Variants in RIMS1 observed in about 807,000 individuals in gnomAD.
RIMS1 encodes the protein regulating synaptic membrane exocytosis 1.
Under a neutral mutation model 214.1 loss-of-function variants are expected in RIMS1, and 83 were observed. The ratio of observed to expected loss-of-function variants is 0.39; its 90% CI spans 0.32 to 0.47. The LOEUF (loss-of-function observed/expected upper bound fraction) is 0.47. Ranked by LOEUF, RIMS1 falls within the 20% of genes least tolerant of loss-of-function variation. The probability of loss-of-function intolerance (pLI) is 0.99; values close to 1 mark genes in which losing one functional copy is unlikely to be tolerated. For synonymous variants in RIMS1, 793 were observed against 786.8 expected (o/e 1.01, Z -0.13); for missense variants, 2,050 against 2,161.8 (o/e 0.95, Z 1.03).
At chr6:72,348,697 C>T (rs1594746771) in intron 29 of RIMS1, among the ~76,000 whole-genome samples, 2 of 151,756 alleles carry the variant, frequency 1.3e-5, no homozygotes, top group African/African-American at 4.8e-5. Flanking sequence ...ACACTGTACC[C>T]GATAGGTACT....
chr6:72,290,493 C>T (rs897256693), intron 24 of RIMS1, among the ~76,000 whole-genome samples, 186 bp from the exon 25 acceptor site: 8 of 152,156 alleles, frequency 5.3e-5, no homozygotes, highest in Non-Finnish European at 7.4e-5. Flanking sequence ...AACCACATGG[C>T]GTTCACATTT....
intron 3 of RIMS1, among the ~76,000 whole-genome samples, chr6:72,098,925 T>C (rs533562426): frequency 6.6e-6 from 1 of 152,330 alleles, no homozygotes; most frequent in East Asian, 1.9e-4. Context: ...AGAAAGTACA[T>C]AAGATCTATT....
At chr6:71,909,765 G>A (rs374438510) in intron 1 of RIMS1, among the ~76,000 whole-genome samples, 33 of 152,078 alleles carry the variant, frequency 2.2e-4, no homozygotes, top group African/African-American at 8.0e-4. Context: ...TGTAATTATT[G>A]ATAATGCTGA....
intron 16 of RIMS1, among the ~76,000 whole-genome samples, chr6:72,254,221 A>G (rs938399069): frequency 6.6e-6 from 1 of 152,160 alleles, no homozygotes; most frequent in Non-Finnish European, 1.5e-5. Flanking sequence ...ATTTATTATT[A>G]TAAATCTAGT....
At chr6:71,913,280 C>G (rs990781481) in intron 1 of RIMS1, among the ~76,000 whole-genome samples, 1 of 152,064 alleles carries the variant, frequency 6.6e-6, no homozygotes, top group Non-Finnish European at 1.5e-5. Flanking sequence ...TTAGGCTTGG[C>G]ACCTCAATCC....
chr6:72,138,992 TATA>T (rs1382243415), intron 4 of RIMS1, among the ~76,000 whole-genome samples: 1 of 152,200 alleles, frequency 6.6e-6, no homozygotes, highest in Non-Finnish European at 1.5e-5. Flanking sequence ...TGCTATATTT[TATA>T]ATAACTAAAT....
chr6:72,120,426 G>A (rs541538519), intron 4 of RIMS1, among the ~76,000 whole-genome samples: 3 of 152,068 alleles, frequency 2.0e-5, no homozygotes, highest in African/African-American at 7.2e-5. Context: ...ATTTTTTCAT[G>A]TGTTTGTTGG....
chr6:72,114,471 TTA>T (rs1205741520), intron 4 of RIMS1, among the ~76,000 whole-genome samples: 5 of 152,030 alleles, frequency 3.3e-5, no homozygotes, highest in Admixed American at 6.6e-5. Context: ...TTTGATTAAT[TTA>T]TGTCAAGATA....
chr6:72,261,218 A>T lies in RIMS1; in HGVS notation c.3116+451A>T, dbSNP rs892690043. 6 of 1,007,868 alleles carry T rather than the reference A, an allele frequency of 6.0e-6. No individual in the cohort carries two copies. In the African/African-American group the frequency reaches 1.0e-4, roughly 18 times the overall value. 62.4% of individuals were successfully genotyped at this position (1,007,868 alleles called of 1,614,324 possible). A position where few individuals can be genotyped will look rare whatever the true frequency, so the allele number is the denominator to read the frequency against. On this transcript the variant is annotated intron_variant, in intron 19 of 33. Coordinates refer to ENST00000521978, the MANE Select transcript of RIMS1 (RefSeq NM_014989.7). ...CCTTTTAGAATTTATTGTTGTTTAT[A>T]TTCTGTTTGCTTTTGATAAAATCTT...
chr6:72,070,887 C>T (rs72934843), intron 2 of RIMS1, among the ~76,000 whole-genome samples: 32,468 of 152,060 alleles, frequency 0.21, 4,236 homozygotes, highest in East Asian at 0.32. Context: ...TCCTTCCTCC[C>T]AACTGTTTTT....
At chr6:72,303,470 T>C (rs1352839306) in intron 26 of RIMS1, among the ~76,000 whole-genome samples, 1 of 151,284 alleles carries the variant, frequency 6.6e-6, no homozygotes, top group Non-Finnish European at 1.5e-5. Context: ...ACTAATACTT[T>C]ACATTTGAAA....
chr6:72,178,587 C>T (rs910986618), intron 4 of RIMS1, among the ~76,000 whole-genome samples: 1 of 152,108 alleles, frequency 6.6e-6, no homozygotes, highest in Non-Finnish European at 1.5e-5. Context: ...ACACAAAACA[C>T]CTGAAGTGCT....
intron 2 of RIMS1, among the ~76,000 whole-genome samples, chr6:72,066,212 A>T (rs908664580): frequency 2.0e-5 from 3 of 152,170 alleles, no homozygotes; most frequent in Admixed American, 2.0e-4. Context: ...ATTCCCTTCA[A>T]ATATGTAGTT....
rs143223230 is a variant in RIMS1, at chr6:72,251,960, G to A, written c.2698+592G>A. 1.9e-3 allele frequency among the ~76,000 whole-genome samples: 292 copies of A among 152,192 alleles called. 7 individuals carry two copies. The East Asian group carries it at 0.049, about 26-fold the overall frequency. On this transcript the variant is annotated intron_variant, in intron 15 of 33. Coordinates refer to ENST00000521978, the MANE Select transcript of RIMS1 (RefSeq NM_014989.7). ...GAACTCCTGACCTTGTGATCCATCC[G>A]GCTCGGCCTCCCAAAGTGCTGGGAT...
At chr6:72,167,886 A>G (rs1259023582) in intron 4 of RIMS1, among the ~76,000 whole-genome samples, 1 of 95,624 alleles carries the variant, frequency 1.0e-5, no homozygotes, top group Non-Finnish European at 2.1e-5. Flanking sequence ...GGGTCCATTG[A>G]TTTTTTTCTA....
rs550153694 is a variant in RIMS1 at position 71,934,293 on chromosome 6, G to A, written c.165-34690G>A. 3.9e-5 allele frequency among the ~76,000 whole-genome samples: 6 copies of A among 152,204 alleles called. No individual in the cohort carries two copies. In the East Asian group the frequency reaches 5.8e-4, roughly 15 times the overall value. On this transcript the variant is annotated intron_variant, in intron 1 of 33. Transcript: ENST00000521978. The stretch of plus-strand genomic sequence containing the variant: ...TCAGAGTGGTTTGAAAACTCTTGGC[G>A]CCTAACATAAAAGCCAGAAATAAAT...
chr6:71,934,074 C>T (rs1425211931), intron 1 of RIMS1, among the ~76,000 whole-genome samples: 2 of 152,132 alleles, frequency 1.3e-5, no homozygotes, highest in Non-Finnish European at 2.9e-5. Flanking sequence ...TAAGTTCTCT[C>T]TCAACCCTGT....
chr6:72,281,757 A>T (rs2090207450), intron 23 of RIMS1, among the ~76,000 whole-genome samples: 2 of 152,042 alleles, frequency 1.3e-5, no homozygotes, highest in African/African-American at 4.8e-5. Flanking sequence ...CACCATTTCA[A>T]TAAGTCCTTT....
At chr6:72,288,200 G>T (rs1294582846) in intron 24 of RIMS1, among the ~76,000 whole-genome samples, 3 of 151,696 alleles carry the variant, frequency 2.0e-5, no homozygotes, top group Non-Finnish European at 4.4e-5. Context: ...CTTTCTCCAG[G>T]TCACTCTATG....
Sources: allele counts gnomAD v4.1 joint callset (sites outside exome capture counted in the v4.1 genomes callset), GRCh38; gene constraint gnomAD v4.1.1; transcripts MANE v1.5; gene names NCBI Gene and HGNC (gene_info 2026-07-23, HGNC 2026-07-21).